The following PKIB variants were observed in gnomAD, a reference collection of about 807,000 sequenced individuals.
The protein encoded by PKIB is cAMP-dependent protein kinase inhibitor beta.
Under a neutral mutation model 4.5 loss-of-function variants are expected in PKIB, and 2 were observed. That is an observed-to-expected ratio of 0.44 (90% CI 0.18 to 1.39). The LOEUF is 1.39. Among genes scored for constraint, PKIB ranks in the 40% most tolerant of loss-of-function variants. The probability of loss-of-function intolerance (pLI) is 0.27; values close to 1 mark genes in which losing one functional copy is unlikely to be tolerated. For synonymous variants in PKIB, 38 were observed against 36.0 expected (o/e 1.06, Z -0.20); for missense variants, 94 against 92.6 (o/e 1.02, Z -0.06).
chr6:122,631,790 C>G lies in PKIB; in HGVS notation c.-160-1493C>G, dbSNP rs185122559. Among the ~76,000 whole-genome samples, 426 of 152,302 alleles carry G rather than the reference C, an allele frequency of 2.8e-3. 3 individuals carry two copies. The highest frequency in any genetic ancestry group is 2.5e-3 in the Non-Finnish European group (170 of 68,024). On this transcript the variant is annotated intron_variant, in intron 1 of 4. Coordinates refer to ENST00000368452, the MANE Select transcript of PKIB (RefSeq NM_181795.3). ...TATGTTGCAATGCCCTTAGGACATT[C>G]TTTTACCAGTGCATTTGTAAGCTAT...
chr6:122,626,368 C>T (rs993899492), intron 1 of PKIB, among the ~76,000 whole-genome samples: 15 of 152,180 alleles, frequency 9.9e-5, no homozygotes, highest in African/African-American at 3.6e-4. Flanking sequence ...TGAATACCTA[C>T]AGTATATTGT....
At chr6:122,539,762 G>A (rs1319586587) in intron 2 of PKIB, among the ~76,000 whole-genome samples, 1 of 152,016 alleles carries the variant, frequency 6.6e-6, no homozygotes, top group Non-Finnish European at 1.5e-5. Flanking sequence ...AATGGTACCA[G>A]CTCCTCCTTG....
chr6:122,544,371 G>T (rs951171243), intron 2 of PKIB, among the ~76,000 whole-genome samples: 4 of 70,408 alleles, frequency 5.7e-5, no homozygotes, highest in Admixed American at 2.0e-4. Flanking sequence ...AATATTAATA[G>T]ATTTTTAAAA....
intron 1 of PKIB, 55 bp downstream of exon 1, chr6:122,610,590 G>A (rs1774710787): frequency 6.6e-6 from 1 of 152,416 alleles, no homozygotes; most frequent in Non-Finnish European, 1.5e-5. Flanking sequence ...GAGGAGGGAG[G>A]AGTGGGACTT....
chr6:122,716,520 A>T (rs988818208), intron 3 of PKIB, among the ~76,000 whole-genome samples: 6 of 152,174 alleles, frequency 3.9e-5, no homozygotes, highest in Admixed American at 1.3e-4. Context: ...AAAGACAATA[A>T]TATCTATGGA....
chr6:122,617,167 C>T (rs921066902), intron 1 of PKIB, among the ~76,000 whole-genome samples: 4 of 151,954 alleles, frequency 2.6e-5, no homozygotes, highest in African/African-American at 7.3e-5. Context: ...TTGCATCTAC[C>T]GTATGCACTA....
chr6:122,501,278 A>G (rs1009674331), intron 2 of PKIB, among the ~76,000 whole-genome samples: 1 of 152,190 alleles, frequency 6.6e-6, no homozygotes, highest in African/African-American at 2.4e-5. Context: ...GTTACTTCCA[A>G]TATACAGTGG....
At chr6:122,524,195 CTT>C (rs1018328101) in intron 2 of PKIB, among the ~76,000 whole-genome samples, 25 of 147,750 alleles carry the variant, frequency 1.7e-4, no homozygotes, top group Non-Finnish European at 7.5e-5. Flanking sequence ...TCCTCCTCTT[CTT>C]CTTTCTTCTT....
intron 2 of PKIB, among the ~76,000 whole-genome samples, chr6:122,649,738 G>A (rs989618101): frequency 3.3e-5 from 5 of 152,182 alleles, no homozygotes; most frequent in Non-Finnish European, 7.3e-5. Flanking sequence ...GAGGTGTTCA[G>A]TTTCTATATA....
At chr6:122,607,362 A>G (rs1351427418), upstream of PKIB, among the ~76,000 whole-genome samples, 2 of 152,044 alleles carry the variant, frequency 1.3e-5, no homozygotes, top group African/African-American at 4.8e-5. Context: ...AAAAAAACCC[A>G]CAAAAGTTAG....
intron 2 of PKIB, among the ~76,000 whole-genome samples, chr6:122,657,642 G>T (rs1259961779): frequency 6.6e-6 from 1 of 152,092 alleles, no homozygotes; most frequent in African/African-American, 2.4e-5. Context: ...TTTTCATCAT[G>T]GTTTAGCAGG....
Position 122,503,198 on chromosome 6 carries a change from T to C in PKIB, c.-248+25259T>C, listed in dbSNP as rs866924847. On this transcript the variant is annotated intron_variant, in intron 2 of 6. Transcript: ENST00000392491. ...TTCCAAATGCCATCACATTAGGAGG[T>C]AGGATTTCAGTATATAAATTTGCAG... is the stretch of plus-strand genomic sequence containing the variant. 1.2e-3 allele frequency among the ~76,000 whole-genome samples: 180 copies of C among 152,192 alleles called. 1 individual carries two copies. The highest frequency in any genetic ancestry group is 4.1e-3 in the African/African-American group (170 of 41,522).
At chr6:122,581,491 G>T (rs1354351029) in intron 2 of PKIB, among the ~76,000 whole-genome samples, 1 of 152,004 alleles carries the variant, frequency 6.6e-6, no homozygotes, top group Admixed American at 6.6e-5. Flanking sequence ...GCCTCACAAA[G>T]GACTTAAATA....
intron 3 of PKIB, chr6:122,701,568 G>C (rs1778813996): frequency 2.0e-6 from 3 of 1,527,736 alleles, no homozygotes; most frequent in Non-Finnish European, 1.8e-6. Flanking sequence ...TGGCATAACA[G>C]TGCCACATAG....
chr6:122,653,625 A>G (rs1776654889), intron 2 of PKIB, among the ~76,000 whole-genome samples: 1 of 150,118 alleles, frequency 6.7e-6, no homozygotes, highest in Non-Finnish European at 1.5e-5. Flanking sequence ...TCTTTAATGT[A>G]ACTTGAAGGG....
At chr6:122,523,036 G>A (rs913193907) in intron 2 of PKIB, among the ~76,000 whole-genome samples, 7 of 152,150 alleles carry the variant, frequency 4.6e-5, no homozygotes, top group African/African-American at 1.7e-4. Context: ...ATAAAACAGT[G>A]AGACTGGGCA....
chr6:122,717,895 A>G lies in PKIB; in HGVS notation c.101A>G (p.Gln34Arg), dbSNP rs1158496061. The change falls in exon 4 of 5, where the codon CAG becomes CGG. Residue 34 changes from glutamine to arginine, a missense_variant. Transcript: ENST00000368452. The part of the protein sequence containing the change: ...AGRRNALPDI[Q>R]SSAATDGTSD... ...CGCCGGAATGCCTTACCAGACATCCAGAGTTCAGCTGCCACAGACGGAACC... is the reference window on the plus strand; with the variant it reads ...CGCCGGAATGCCTTACCAGACATCCGGAGTTCAGCTGCCACAGACGGAACC... 1 of 1,614,008 alleles carries G rather than the reference A, an allele frequency of 6.2e-7. No individual in the cohort carries two copies. Among genetic ancestry groups the G allele is most frequent in the African/African-American group, 1.3e-5 (1 of 74,934 alleles).
chr6:122,718,843 T>C (rs1035851402), intron 4 of PKIB, among the ~76,000 whole-genome samples: 1 of 152,120 alleles, frequency 6.6e-6, no homozygotes, highest in African/African-American at 2.4e-5. Flanking sequence ...ATGAAATAGT[T>C]ATATCCTTGT....
rs796387773 is a variant in PKIB, at chr6:122,560,333, T to C, written c.-247-25588T>C. On this transcript the variant is annotated intron_variant, in intron 2 of 6. Transcript: ENST00000392491. ...ATTTTTGTTTTTAATTCTGTTTATG[T>C]GGTATATCACACTTATTGACTTGCA... is the stretch of plus-strand genomic sequence containing the variant. 4.0e-4 allele frequency among the ~76,000 whole-genome samples: 61 copies of C among 152,296 alleles called. 1 individual carries two copies. The highest frequency in any genetic ancestry group is 1.3e-3 in the African/African-American group (53 of 41,558).
Sources: allele counts gnomAD v4.1 joint callset (sites outside exome capture counted in the v4.1 genomes callset), GRCh38; gene constraint gnomAD v4.1.1; transcripts MANE v1.5; gene names NCBI Gene and HGNC (gene_info 2026-07-23, HGNC 2026-07-21).